Variants in RMND5A observed in about 807,000 individuals in gnomAD.
RMND5A encodes the protein E3 ubiquitin-protein transferase RMND5A.
In RMND5A, 17 loss-of-function variants were observed where a neutral mutation model predicts 49.7. The ratio of observed to expected loss-of-function variants is 0.34; its 90% CI spans 0.23 to 0.51. The LOEUF is 0.51. Ranked by LOEUF, RMND5A falls within the 20% of genes least tolerant of loss-of-function variation. The pLI is 0.96. For missense variants in RMND5A, 255 were observed against 471.3 expected (o/e 0.54, Z 4.25); for synonymous variants, 156 against 167.7 (o/e 0.93, Z 0.54).
intron 4 of RMND5A, among the ~76,000 whole-genome samples, chr2:86,756,537 T>A (rs1681742624): frequency 6.6e-6 from 1 of 152,232 alleles, no homozygotes; most frequent in Non-Finnish European, 1.5e-5. Context: ...ATTGGAGTTA[T>A]ACAAAACATA....
intron 1 of RMND5A, among the ~76,000 whole-genome samples, chr2:86,725,303 A>G (rs1681272362): frequency 6.7e-6 from 1 of 148,968 alleles, no homozygotes; most frequent in African/African-American, 2.5e-5. Context: ...ATAAAAAAGG[A>G]CACCCATTGA....
At chr2:86,766,907 T>A (rs1672607071) in intron 6 of RMND5A, among the ~76,000 whole-genome samples, 1 of 152,154 alleles carries the variant, frequency 6.6e-6, no homozygotes, top group South Asian at 2.1e-4. Flanking sequence ...TCAGTACACA[T>A]CATCTTAATA....
intron 2 of RMND5A, among the ~76,000 whole-genome samples, chr2:86,747,160 C>T (rs557922675): frequency 6.6e-6 from 1 of 152,216 alleles, no homozygotes; most frequent in Admixed American, 6.5e-5. Context: ...CCTGCTTCCT[C>T]ATTTCTCACC....
chr2:86,760,500 TAC>T (rs1328473673), intron 4 of RMND5A, among the ~76,000 whole-genome samples: 1 of 152,224 alleles, frequency 6.6e-6, no homozygotes, highest in Non-Finnish European at 1.5e-5. Flanking sequence ...TTGTATAAAA[TAC>T]AGACTTCTCT....
At chr2:86,760,706 G>C (rs982706998) in intron 4 of RMND5A, among the ~76,000 whole-genome samples, 1 of 152,254 alleles carries the variant, frequency 6.6e-6, no homozygotes, top group Non-Finnish European at 1.5e-5. Context: ...TTGGAAGACG[G>C]ACTTGGCAAC....
At chr2:86,757,177 A>C (rs1573440019) in intron 4 of RMND5A, among the ~76,000 whole-genome samples, 1 of 13,392 alleles carries the variant, frequency 7.5e-5, no homozygotes, top group Admixed American at 7.9e-4. Flanking sequence ...TCAGTCTCAA[A>C]AAAAAAAAAA....
At chr2:86,747,932 C>G (rs577914139) in intron 2 of RMND5A, among the ~76,000 whole-genome samples, 1 of 152,302 alleles carries the variant, frequency 6.6e-6, no homozygotes, top group East Asian at 1.9e-4. Flanking sequence ...AGAACATCCT[C>G]TCCGGATGGA....
intron 6 of RMND5A, among the ~76,000 whole-genome samples, chr2:86,768,053 G>A (rs1414234299): frequency 6.6e-6 from 1 of 152,080 alleles, no homozygotes; most frequent in African/African-American, 2.4e-5. Context: ...GGAAACTGTA[G>A]TTATTTTTTT....
intron 8 of RMND5A, 37 bp from the exon 9 acceptor site, chr2:86,773,311 C>T: frequency 1.6e-6 from 2 of 1,261,832 alleles, no homozygotes; most frequent in Non-Finnish European, 2.3e-6. Flanking sequence ...AGTACTGAGC[C>T]TGCTCCTTCA....
intron 6 of RMND5A, 39 bp from the exon 7 acceptor site, chr2:86,769,984 C>A: frequency 2.0e-6 from 3 of 1,493,140 alleles, no homozygotes; most frequent in Non-Finnish European, 2.8e-6. Context: ...CGGCCTGACC[C>A]CTGGCCTGGC....
chr2:86,729,402 T>C (rs1269125618), intron 1 of RMND5A, among the ~76,000 whole-genome samples: 1 of 150,858 alleles, frequency 6.6e-6, no homozygotes, highest in African/African-American at 2.4e-5. Context: ...CATTTATAGG[T>C]AGAACTAAGC....
rs1365835058 is a variant in RMND5A at position 86,748,051 on chromosome 2, A to G, written c.286-3845A>G. ...TCTTTGCTTAAAAAATATGAAAAGA[A>G]AAAGTATAGTAAGACAGAAGATGTT... is the stretch of plus-strand genomic sequence containing the variant. On this transcript the variant is annotated intron_variant, in intron 2 of 8. Coordinates refer to ENST00000283632, the MANE Select transcript of RMND5A (RefSeq NM_022780.4). Among the ~76,000 whole-genome samples the G allele has an allele frequency of 2.0e-5, 3 of 152,214 alleles. No homozygotes were observed. In the South Asian group the frequency reaches 6.2e-4, roughly 31 times the overall value.
chr2:86,742,222 G>T (rs1681457992), intron 2 of RMND5A, among the ~76,000 whole-genome samples: 1 of 140,190 alleles, frequency 7.1e-6, no homozygotes, highest in Non-Finnish European at 1.5e-5. Flanking sequence ...CTTGGCCAGA[G>T]AGTCGGAGGG....
At chr2:86,771,353 C>T in intron 7 of RMND5A, 1 of 467,446 alleles carries the variant, frequency 2.1e-6, no homozygotes, top group Non-Finnish European at 3.8e-6. Context: ...TACACTTTGT[C>T]AGCTTTCTTG....
chr2:86,725,664 T>G (rs1323152136), intron 1 of RMND5A, among the ~76,000 whole-genome samples: 1 of 78,894 alleles, frequency 1.3e-5, no homozygotes, highest in Non-Finnish European at 2.6e-5. Flanking sequence ...CTGCAGGGAT[T>G]ACAGGCGTGA....
rs762578828 is a variant in RMND5A at position 86,766,011 on chromosome 2, C to G, written c.841C>G (p.Pro281Ala). The G allele has an allele frequency of 6.2e-7, 1 of 1,613,508 alleles. No homozygotes were observed. The highest frequency in any genetic ancestry group is 8.5e-7 in the Non-Finnish European group (1 of 1,179,740). Residue 281 changes from proline (P) to alanine (A), a missense_variant, in exon 6 of 9, where the codon CCT becomes GCT. Transcript: ENST00000283632. ...CCTCCTGGGGCTCTCCGTGGAGTCC[C>G]CTCTCAGTGTCAGGTATGGAAATTA... ...CALLGLSVES[P>A]LSVSFSAGCV... is the part of the protein sequence containing the mutation.
At chr2:86,765,243 C>T in intron 5 of RMND5A, 50 bp downstream of exon 5, 1 of 1,476,158 alleles carries the variant, frequency 6.8e-7, no homozygotes, top group Non-Finnish European at 9.3e-7. Context: ...GCTATAGCCA[C>T]CACTGTAACT....
At chr2:86,740,631 T>G (rs1253186910) in intron 1 of RMND5A, among the ~76,000 whole-genome samples, 2 of 142,508 alleles carry the variant, frequency 1.4e-5, no homozygotes, top group Non-Finnish European at 3.1e-5. Context: ...TTAGACATAT[T>G]TTCTCAAAAA....
chr2:86,773,126 T>G (rs1483326613), intron 8 of RMND5A, among the ~76,000 whole-genome samples: 2 of 152,234 alleles, frequency 1.3e-5, no homozygotes, highest in African/African-American at 4.8e-5. Flanking sequence ...TAAGAAACAA[T>G]TTAGGATCTG....
Sources: allele counts gnomAD v4.1 joint callset (sites outside exome capture counted in the v4.1 genomes callset), GRCh38; gene constraint gnomAD v4.1.1; transcripts MANE v1.5; gene names NCBI Gene and HGNC (gene_info 2026-07-23, HGNC 2026-07-21).